The following MYOZ3 variants were observed in gnomAD, a reference collection of about 807,000 sequenced individuals.
MYOZ3 encodes the protein myozenin 3.
In MYOZ3, 19 loss-of-function variants were observed where a neutral mutation model predicts 26.5. The observed-to-expected ratio is 0.72, with a 90% CI of 0.50 to 1.05. The LOEUF is 1.05. Among genes scored for constraint, MYOZ3 ranks in the 50% least tolerant of loss-of-function variants. The pLI is 0.00. For synonymous variants in MYOZ3, 135 were observed against 138.8 expected (o/e 0.97, Z 0.19); for missense variants, 322 against 337.1 (o/e 0.96, Z 0.35).
rs1310060793 is a variant in MYOZ3 at position 150,677,059 on chromosome 5, T to G, written c.*184T>G. The G allele has an allele frequency of 5.0e-6, 3 of 597,884 alleles. No individual in the cohort carries two copies. The highest frequency in any genetic ancestry group is 6.0e-5 in the Admixed American group (2 of 33,458). 37.0% of individuals were successfully genotyped at this position (597,884 alleles called of 1,614,324 possible). Reference sequence around the variant, plus strand: ...GGTGTGTTTCAAAATTACCTGGGGATGTTGTTCCAAATCCAGACAACTGGA... The same window carrying G: ...GGTGTGTTTCAAAATTACCTGGGGAGGTTGTTCCAAATCCAGACAACTGGA... On this transcript the variant is annotated 3_prime_UTR_variant, in exon 7 of 7. Transcript: ENST00000517768.
chr5:150,672,170 G>C, intron 5 of MYOZ3, 170 bp from the exon 6 acceptor site: 1 of 1,093,170 alleles, frequency 9.1e-7, no homozygotes, highest in Non-Finnish European at 1.4e-6. Context: ...TCCTGGGATG[G>C]GGAGGGGTCT....
rs1759048725 is a variant in MYOZ3 at position 150,678,251 on chromosome 5, C to T, written c.*1376C>T. 1 of 152,234 alleles carries T rather than the reference C, an allele frequency of 6.6e-6. No homozygotes were observed. The allele number at this position is 152,234 out of a possible 1,614,324, so 9.4% of individuals were successfully genotyped here. On this transcript the variant is annotated 3_prime_UTR_variant, in exon 7 of 7. Coordinates refer to ENST00000517768, the MANE Select transcript of MYOZ3 (RefSeq NM_001122853.3). ...CTTATTAAGATTCCTTCTTTCCACT[C>T]CATTTTGAGCAGGCTGCTTAAAGTG...
chr5:150,679,050 T>C lies in MYOZ3; in HGVS notation c.*2175T>C, dbSNP rs1303383685. On this transcript the variant is annotated 3_prime_UTR_variant, in exon 7 of 7. Coordinates refer to ENST00000517768, the MANE Select transcript of MYOZ3 (RefSeq NM_001122853.3). ...TCTGGGTCCCAAGGGCCCAATGGCC[T>C]GACTTTTAGAATTGCTTGCAATTGG... 1 of 152,408 alleles carries C rather than the reference T, an allele frequency of 6.6e-6. No homozygotes were observed. Among genetic ancestry groups the C allele is most frequent in the Non-Finnish European group, 1.5e-5 (1 of 68,052 alleles). The allele number at this position is 152,408 out of a possible 1,614,324, so 9.4% of individuals were successfully genotyped here. A position where few individuals can be genotyped will look rare whatever the true frequency, so the allele number is the denominator to read the frequency against.
intron 6 of MYOZ3, chr5:150,673,337 G>A (rs1164182001): frequency 6.7e-6 from 1 of 149,866 alleles, no homozygotes; most frequent in Non-Finnish European, 1.5e-5. Context: ...TATTATTGTT[G>A]TTGTTGTTAT....
At chr5:150,665,691 A>C (rs78444550) in intron 2 of MYOZ3, among the ~76,000 whole-genome samples, 11,195 of 151,724 alleles carry the variant, frequency 0.074, 477 homozygotes, top group African/African-American at 0.12. Context: ...GCCCTCTGCA[A>C]GTGCTGGGAT....
intron 2 of MYOZ3, among the ~76,000 whole-genome samples, chr5:150,669,495 A>AATAT (rs925012638): frequency 2.0e-5 from 3 of 152,094 alleles, no homozygotes; most frequent in African/African-American, 4.8e-5. Flanking sequence ...ACCTCATAGG[A>AATAT]ATATAGTCAT....
intron 6 of MYOZ3, among the ~76,000 whole-genome samples, chr5:150,675,786 C>T (rs1758995506): frequency 6.6e-6 from 1 of 152,198 alleles, no homozygotes; most frequent in Non-Finnish European, 1.5e-5. Flanking sequence ...AGGTCTGCAT[C>T]CCAGTGCCTA....
In MYOZ3 at chr5:150,666,729, C is replaced by CT. The variant is rs1758816818; in HGVS notation, c.61+3730dup. ...AGAATACCTATTCTTCTGAATCTTA[C>CT]TTTCCCCTCCAATTAATTTATACTG... On this transcript the variant is annotated intron_variant, in intron 2 of 6. Coordinates refer to ENST00000517768, the MANE Select transcript of MYOZ3 (RefSeq NM_001122853.3). Among the ~76,000 whole-genome samples the CT allele has an allele frequency of 2.0e-5, 3 of 147,660 alleles. No homozygotes were observed. In the South Asian group the frequency reaches 6.4e-4, roughly 31 times the overall value.
intron 6 of MYOZ3, among the ~76,000 whole-genome samples, chr5:150,675,140 C>T (rs1274811772): frequency 8.5e-5 from 13 of 152,148 alleles, no homozygotes; most frequent in Non-Finnish European, 1.6e-4. Flanking sequence ...AGTTGCCTTC[C>T]CAAAGGTAAC....
At position 150,671,630 on chromosome 5, in the gene MYOZ3, G is replaced by A. The variant is rs1409758552; in HGVS notation, c.250G>A (p.Gly84Arg). Residue 84 changes from glycine to arginine, a missense_variant, in exon 4 of 7, where the codon GGA (glycine) becomes AGA (arginine). By Grantham distance (125) the Gly-to-Arg change is moderately radical. Coordinates refer to ENST00000517768, the MANE Select transcript of MYOZ3 (RefSeq NM_001122853.3). ...LAGSARRKVTGTAESGTVANA... is the reference protein window; with the variant it reads ...LAGSARRKVTRTAESGTVANA... ...CGGAAGCGCCAGGAGGAAGGTGACTGGAACAGCGGAGTCGGGGACGGTGAG... is the reference window on the plus strand; with the variant it reads ...CGGAAGCGCCAGGAGGAAGGTGACTAGAACAGCGGAGTCGGGGACGGTGAG... The A allele has an allele frequency of 1.9e-6, 3 of 1,613,758 alleles. No individual in the cohort carries two copies. Among genetic ancestry groups the A allele is most frequent in the Non-Finnish European group, 2.5e-6 (3 of 1,179,892 alleles).
At position 150,677,050 on chromosome 5, in the gene MYOZ3, A is replaced by G; in HGVS notation, c.*175A>G. The G allele has an allele frequency of 1.6e-6, 1 of 611,152 alleles. No homozygotes were observed. The highest frequency in any genetic ancestry group is 2.8e-6 in the Non-Finnish European group (1 of 353,826). 37.9% of individuals were successfully genotyped at this position (611,152 alleles called of 1,614,324 possible). ...CAAAACATGGGTGTGTTTCAAAATTACCTGGGGATGTTGTTCCAAATCCAG... is the reference window on the plus strand; with the variant it reads ...CAAAACATGGGTGTGTTTCAAAATTGCCTGGGGATGTTGTTCCAAATCCAG... On this transcript the variant is annotated 3_prime_UTR_variant, in exon 7 of 7. Coordinates refer to ENST00000517768, the MANE Select transcript of MYOZ3 (RefSeq NM_001122853.3).
At chr5:150,665,693 T>C (rs1383315081) in intron 2 of MYOZ3, among the ~76,000 whole-genome samples, 2 of 152,040 alleles carry the variant, frequency 1.3e-5, no homozygotes, top group Non-Finnish European at 2.9e-5. Flanking sequence ...CCTCTGCAAG[T>C]GCTGGGATTA....
intron 6 of MYOZ3, among the ~76,000 whole-genome samples, chr5:150,675,646 T>C (rs953932941): frequency 1.3e-5 from 2 of 152,220 alleles, no homozygotes; most frequent in African/African-American, 4.8e-5. Context: ...GTGTTGGGAT[T>C]ATAGCCGTGA....
rs1390621858 is a variant in MYOZ3 at position 150,672,473 on chromosome 5, C to T, written c.558C>T (p.Pro186=). ...AGAGCGATGGCCGAAGTCACACCCC[C>T]AGCCCCAACGACTACCGAAATTTCA... is the stretch of plus-strand genomic sequence containing the variant. ...DYQSDGRSHT[P]SPNDYRNFNK... The change falls in exon 6 of 7, where the codon CCC becomes CCT. Residue 186 remains proline (P), a synonymous_variant. Transcript: ENST00000517768. The T allele has an allele frequency of 1.9e-6, 3 of 1,589,462 alleles. No individual in the cohort carries two copies. Among genetic ancestry groups the T allele is most frequent in the Non-Finnish European group, 2.6e-6 (3 of 1,165,696 alleles).
chr5:150,672,269 G>C (rs1333345180), intron 5 of MYOZ3, 71 bp from the exon 6 acceptor site: 1 of 1,545,156 alleles, frequency 6.5e-7, no homozygotes, highest in African/African-American at 1.4e-5. Flanking sequence ...CGCGGAATGG[G>C]GGTGGGGCGA....
At chr5:150,672,780 G>C (rs1758944937) in intron 6 of MYOZ3, 1 of 421,786 alleles carries the variant, frequency 2.4e-6, no homozygotes, top group South Asian at 5.0e-5. Context: ...TGCAGATGAA[G>C]AGGCTGCGGC....
At chr5:150,664,347 T>G (rs549077982) in intron 2 of MYOZ3, among the ~76,000 whole-genome samples, 2 of 152,298 alleles carry the variant, frequency 1.3e-5, no homozygotes, top group South Asian at 4.1e-4. Flanking sequence ...TGCATTCTCT[T>G]TTCTCTTGGG....
Position 150,671,978 on chromosome 5 carries a change from CAGGA to C in MYOZ3, c.424+73_424+76del, listed in dbSNP as rs1758923238. 59 of 1,457,894 alleles carry C rather than the reference CAGGA, an allele frequency of 4.0e-5. No homozygotes were observed. In the South Asian group the frequency reaches 7.8e-4, roughly 19 times the overall value. 90.3% of individuals were successfully genotyped at this position (1,457,894 alleles called of 1,614,324 possible). On this transcript the variant is annotated intron_variant, in intron 5 of 6. Transcript: ENST00000517768. ...AAGCATGGGTGTGCTCCCCATGGGG[CAGGA>C]AGAGCACCCAGAAGGCTAGTCCGCC... is the stretch of plus-strand genomic sequence containing the variant.
chr5:150,671,691 A>T, intron 4 of MYOZ3, 41 bp downstream of exon 4: 4 of 1,600,874 alleles, frequency 2.5e-6, no homozygotes, highest in Non-Finnish European at 3.4e-6. Context: ...AAGCTGGGGG[A>T]AGGGGAGCGC....
Sources: allele counts gnomAD v4.1 joint callset (sites outside exome capture counted in the v4.1 genomes callset), GRCh38; gene constraint gnomAD v4.1.1; transcripts MANE v1.5; gene names NCBI Gene and HGNC (gene_info 2026-07-23, HGNC 2026-07-21).